KRTAP10-10: variants seen among roughly 807,000 people sequenced by gnomAD.
The protein encoded by KRTAP10-10 is keratin associated protein 10-10.
For synonymous variants in KRTAP10-10, 139 were observed against 137.6 expected (o/e 1.01, Z -0.07); for missense variants, 324 against 319.9 (o/e 1.01, Z -0.10).
Position 44,637,521 on chromosome 21 carries a change from C to A in KRTAP10-10, c.104C>A (p.Ala35Asp). ...SCCEPCCCAP[A>D]PSLTLVCTPV... ...TGCGAGCCCTGCTGCTGTGCCCCAGCCCCCAGCTTGACCCTGGTCTGCACC... is the reference window on the plus strand; with the variant it reads ...TGCGAGCCCTGCTGCTGTGCCCCAGACCCCAGCTTGACCCTGGTCTGCACC... Residue 35 changes from alanine (A) to aspartate (D), a missense_variant, in exon 1 of 1, where the codon GCC becomes GAC. Coordinates refer to ENST00000380095, the MANE Select transcript of KRTAP10-10 (RefSeq NM_181688.3). 4 of 1,613,484 alleles carry A rather than the reference C, an allele frequency of 2.5e-6. No individual in the cohort carries two copies. Among genetic ancestry groups the A allele is most frequent in the Non-Finnish European group, 3.4e-6 (4 of 1,179,900 alleles).
chr21:44,638,224 G>A lies in KRTAP10-10; in HGVS notation c.*51G>A, dbSNP rs782079977. 23 of 1,562,472 alleles carry A rather than the reference G, an allele frequency of 1.5e-5. No homozygotes were observed. Among genetic ancestry groups the A allele is most frequent in the Non-Finnish European group, 1.9e-5 (22 of 1,151,210 alleles). ...CTTCCCACCAGGGGCTGACCTCCCA[G>A]CTGCCCCAGCAAGCTCTGCCCTCTC... On this transcript the variant is annotated 3_prime_UTR_variant, in exon 1 of 1. Transcript: ENST00000380095.
chr21:44,637,625 T>C lies in KRTAP10-10; in HGVS notation c.208T>C (p.Cys70Arg). 1.9e-6 allele frequency: 3 copies of C among 1,613,980 alleles called. No individual in the cohort carries two copies. Among genetic ancestry groups the C allele is most frequent in the Non-Finnish European group, 2.5e-6 (3 of 1,179,922 alleles). ...CTGCCAATCAGGCTACACCAGCTCC[T>C]GCACAACCCCATGCTACCAGCAGTC... ...SACQSGYTSS[C>R]TTPCYQQSSC... is the part of the protein sequence containing the mutation. The change falls in exon 1 of 1, where the codon TGC becomes CGC. Residue 70 changes from cysteine to arginine, a missense_variant. Physicochemically the swap from Cys to Arg is radical, Grantham distance 180 (BLOSUM62 -3). Coordinates refer to ENST00000380095, the MANE Select transcript of KRTAP10-10 (RefSeq NM_181688.3).
At position 44,638,281 on chromosome 21, in the gene KRTAP10-10, C is replaced by A. The variant is rs918191953; in HGVS notation, c.*108C>A. On this transcript the variant is annotated 3_prime_UTR_variant, in exon 1 of 1. Coordinates refer to ENST00000380095, the MANE Select transcript of KRTAP10-10 (RefSeq NM_181688.3). ...TGACACCCTCAGAAGGTGGGGCAGG[C>A]TCTTTGTCTTGGGGACCAGGATGCT... 65 of 1,440,562 alleles carry A rather than the reference C, an allele frequency of 4.5e-5. 1 individual carries two copies. In the African/African-American group the frequency reaches 9.2e-4, roughly 20 times the overall value. The allele number at this position is 1,440,562 out of a possible 1,614,324, so 89.2% of individuals were successfully genotyped here. A position where few individuals can be genotyped will look rare whatever the true frequency, so the allele number is the denominator to read the frequency against.
Position 44,638,271 on chromosome 21 carries a change from G to T in KRTAP10-10, c.*98G>T. 6.7e-7 allele frequency: 1 copy of T among 1,484,734 alleles called. No homozygotes were observed. Among genetic ancestry groups the T allele is most frequent in the Non-Finnish European group, 9.0e-7 (1 of 1,115,366 alleles). 92.0% of individuals were successfully genotyped at this position (1,484,734 alleles called of 1,614,324 possible). On this transcript the variant is annotated 3_prime_UTR_variant, in exon 1 of 1. Coordinates refer to ENST00000380095, the MANE Select transcript of KRTAP10-10 (RefSeq NM_181688.3). The stretch of plus-strand genomic sequence containing the variant: ...TCTCTGGCTTTGACACCCTCAGAAG[G>T]TGGGGCAGGCTCTTTGTCTTGGGGA...
rs782527032 is a variant in KRTAP10-10, at chr21:44,638,036, C to A, written c.619C>A (p.Pro207Thr). The change falls in exon 1 of 1, where the codon CCC (proline) becomes ACC (threonine). Residue 207 changes from proline (P) to threonine (T), a missense_variant. Pro to Thr is a conservative substitution (Grantham distance 38). Transcript: ENST00000380095. ...VCKSTCCVPV[P>T]SCGASASSCQ... ...CAAGTCCACCTGCTGCGTGCCCGTC[C>A]CCTCCTGCGGTGCCTCTGCCTCCTC... The A allele has an allele frequency of 1.9e-6, 3 of 1,613,244 alleles. No homozygotes were observed. The highest frequency in any genetic ancestry group is 2.5e-6 in the Non-Finnish European group (3 of 1,179,454).
Position 44,637,880 on chromosome 21 carries a change from G to T in KRTAP10-10, c.463G>T (p.Val155Phe), listed in dbSNP as rs587625812. 2.6e-6 allele frequency: 4 copies of T among 1,528,328 alleles called. No individual in the cohort carries two copies. The highest frequency in any genetic ancestry group is 3.6e-6 in the Non-Finnish European group (4 of 1,124,120). The allele number at this position is 1,528,328 out of a possible 1,614,324, so 94.7% of individuals were successfully genotyped here. The change falls in exon 1 of 1, where the codon GTC becomes TTC. Residue 155 changes from valine to phenylalanine, a missense_variant. By Grantham distance (50) the Val-to-Phe change is conservative. Coordinates refer to ENST00000380095, the MANE Select transcript of KRTAP10-10 (RefSeq NM_181688.3). Reference sequence around the variant, plus strand: ...CTGTGTGCCTGTCTGCTCTAAGTCCGTCTGCTATGTGCCTGTGTGCTCTGG... The same window carrying T: ...CTGTGTGCCTGTCTGCTCTAAGTCCTTCTGCTATGTGCCTGTGTGCTCTGG... ...ACCVPVCSKS[V>F]CYVPVCSGAS...
At position 44,637,898 on chromosome 21, in the gene KRTAP10-10, T is replaced by A; in HGVS notation, c.481T>A (p.Cys161Ser). The A allele has an allele frequency of 6.5e-7, 1 of 1,532,410 alleles. No individual in the cohort carries two copies. The highest frequency in any genetic ancestry group is 8.9e-7 in the Non-Finnish European group (1 of 1,126,298). The allele number at this position is 1,532,410 out of a possible 1,614,324, so 94.9% of individuals were successfully genotyped here. A position where few individuals can be genotyped will look rare whatever the true frequency, so the allele number is the denominator to read the frequency against. The change falls in exon 1 of 1, where the codon TGC becomes AGC. Residue 161 changes from cysteine (C) to serine (S), a missense_variant. Coordinates refer to ENST00000380095, the MANE Select transcript of KRTAP10-10 (RefSeq NM_181688.3). Reference sequence around the variant, plus strand: ...TAAGTCCGTCTGCTATGTGCCTGTGTGCTCTGGGGCTTCCACTTCATGCTG... The same window carrying A: ...TAAGTCCGTCTGCTATGTGCCTGTGAGCTCTGGGGCTTCCACTTCATGCTG... ...CSKSVCYVPV[C>S]SGASTSCCQQ...
In KRTAP10-10 at chr21:44,637,410, A is replaced by C; in HGVS notation, c.-8A>C. 6.3e-7 allele frequency: 1 copy of C among 1,596,100 alleles called. No homozygotes were observed. The highest frequency in any genetic ancestry group is 8.5e-7 in the Non-Finnish European group (1 of 1,171,510). On this transcript the variant is annotated 5_prime_UTR_variant, in exon 1 of 1. Coordinates refer to ENST00000380095, the MANE Select transcript of KRTAP10-10 (RefSeq NM_181688.3). ...ACCTCCCCCAGCTCACCGCCTCCCC[A>C]CTCCAGCATGGCCGCCTCCACCATG...
At position 44,638,311 on chromosome 21, in the gene KRTAP10-10, C is replaced by T. The variant is rs148428709; in HGVS notation, c.*138C>T. On this transcript the variant is annotated 3_prime_UTR_variant, in exon 1 of 1. Coordinates refer to ENST00000380095, the MANE Select transcript of KRTAP10-10 (RefSeq NM_181688.3). ...TGTCTTGGGGACCAGGATGCTCCCC[C>T]AGTCCTTCCCAGATGATGGCTGCCT... The T allele has an allele frequency of 1.1e-5, 8 of 706,670 alleles. 1 individual carries two copies. Among genetic ancestry groups the T allele is most frequent in the African/African-American group, 9.8e-5 (5 of 51,078 alleles). 43.8% of individuals were successfully genotyped at this position (706,670 alleles called of 1,614,324 possible).
At chr21:44,637,708 T>TCTGCTGCGTGCCC in the KRTAP10-10 span, 1 of 482,898 alleles carries the variant, frequency 2.1e-6, no homozygotes, top group Non-Finnish European at 2.9e-6. Context: ...GCTGTGTGCC[T>TCTGCTGCGTGCCC]GTCTGCTGTG....
rs781887311 is a variant in KRTAP10-10 at position 44,637,375 on chromosome 21, T to A, written c.-43T>A. 1.5e-5 allele frequency: 24 copies of A among 1,577,816 alleles called. No homozygotes were observed. Among genetic ancestry groups the A allele is most frequent in the South Asian group, 8.5e-5 (7 of 82,804 alleles). On this transcript the variant is annotated 5_prime_UTR_variant, in exon 1 of 1. Transcript: ENST00000380095. ...CACACACACTCACTCACACACTCAC[T>A]CACTCACACACCTCCCCCAGCTCAC...
chr21:44,637,370 C>G lies in KRTAP10-10; in HGVS notation c.-48C>G. Reference sequence around the variant, plus strand: ...GCTCACACACACACTCACTCACACACTCACTCACTCACACACCTCCCCCAG... The same window carrying G: ...GCTCACACACACACTCACTCACACAGTCACTCACTCACACACCTCCCCCAG... On this transcript the variant is annotated 5_prime_UTR_variant, in exon 1 of 1. Transcript: ENST00000380095. 6.4e-7 allele frequency: 1 copy of G among 1,574,586 alleles called. No homozygotes were observed. The highest frequency in any genetic ancestry group is 1.7e-5 in the Admixed American group (1 of 57,812).
chr21:44,638,423 A>C lies in KRTAP10-10; in HGVS notation c.*250A>C, dbSNP rs72613648. On this transcript the variant is annotated 3_prime_UTR_variant, in exon 1 of 1. Coordinates refer to ENST00000380095, the MANE Select transcript of KRTAP10-10 (RefSeq NM_181688.3). ...TTCCACCCTGGGCAGCACCCCCTCT[A>C]GTTCTAATAAAGCCGCCTCTGTCTC... is the stretch of plus-strand genomic sequence containing the variant. 89 of 393,308 alleles carry C rather than the reference A, an allele frequency of 2.3e-4. No homozygotes were observed. The highest frequency in any genetic ancestry group is 1.9e-3 in the East Asian group (46 of 23,638). 24.4% of individuals were successfully genotyped at this position (393,308 alleles called of 1,614,324 possible).
Position 44,638,113 on chromosome 21 carries a change from C to T in KRTAP10-10, c.696C>T (p.Arg232=), listed in dbSNP as rs782149321. Residue 232 remains arginine (R), a synonymous_variant, in exon 1 of 1, where the codon CGC becomes CGT. Coordinates refer to ENST00000380095, the MANE Select transcript of KRTAP10-10 (RefSeq NM_181688.3). Reference sequence around the variant, plus strand: ...CCTCCTGTGTTTCCCTCCTCTGCCGCCCCGTGTGCTCCCGCCCTGCCTGCT... The same window carrying T: ...CCTCCTGTGTTTCCCTCCTCTGCCGTCCCGTGTGCTCCCGCCCTGCCTGCT... The part of the protein sequence containing the change: ...RTASCVSLLC[R]PVCSRPACYS... The T allele has an allele frequency of 1.9e-6, 3 of 1,613,494 alleles. No individual in the cohort carries two copies. Among genetic ancestry groups the T allele is most frequent in the Non-Finnish European group, 1.7e-6 (2 of 1,179,794 alleles).
At position 44,637,681 on chromosome 21, in the gene KRTAP10-10, C is replaced by A; in HGVS notation, c.264C>A (p.Ser88=). The change falls in exon 1 of 1, where the codon TCC becomes TCA. Residue 88 remains serine, a synonymous_variant. Transcript: ENST00000380095. ...SSCQPDCCTS[S]PCQQACCVPV... Reference sequence around the variant, plus strand: ...GCCAGCCGGATTGCTGCACCTCCTCCCCCTGCCAGCAGGCCTGCTGTGTGC... The same window carrying A: ...GCCAGCCGGATTGCTGCACCTCCTCACCCTGCCAGCAGGCCTGCTGTGTGC... The A allele has an allele frequency of 5.2e-6, 8 of 1,543,474 alleles. No individual in the cohort carries two copies. Among genetic ancestry groups the A allele is most frequent in the Non-Finnish European group, 7.0e-6 (8 of 1,137,386 alleles).
chr21:44,637,664 G>T lies in KRTAP10-10; in HGVS notation c.247G>T (p.Asp83Tyr). 1.3e-6 allele frequency: 2 copies of T among 1,580,892 alleles called. No individual in the cohort carries two copies. Among genetic ancestry groups the T allele is most frequent in the South Asian group, 1.1e-5 (1 of 87,904 alleles). The change falls in exon 1 of 1, where the codon GAT (aspartate) becomes TAT (tyrosine). Residue 83 changes from aspartate to tyrosine, a missense_variant. Physicochemically the swap from Asp to Tyr is radical, Grantham distance 160. Coordinates refer to ENST00000380095, the MANE Select transcript of KRTAP10-10 (RefSeq NM_181688.3). ...CTACCAGCAGTCTAGCTGCCAGCCGGATTGCTGCACCTCCTCCCCCTGCCA... is the reference window on the plus strand; with the variant it reads ...CTACCAGCAGTCTAGCTGCCAGCCGTATTGCTGCACCTCCTCCCCCTGCCA... ...PCYQQSSCQPDCCTSSPCQQA... is the reference protein window; with the variant it reads ...PCYQQSSCQPYCCTSSPCQQA...
rs77446663 is a variant in KRTAP10-10 at position 44,638,026 on chromosome 21, C to G, written c.609C>G (p.Cys203Trp). The stretch of plus-strand genomic sequence containing the variant: ...ACCCTGTGTGCAAGTCCACCTGCTG[C>G]GTGCCCGTCCCCTCCTGCGGTGCCT... ...LCHPVCKSTC[C>W]VPVPSCGASA... Residue 203 changes from cysteine (C) to tryptophan (W), a missense_variant, in exon 1 of 1, where the codon TGC (cysteine) becomes TGG (tryptophan). Cys to Trp is a radical substitution (Grantham distance 215). Coordinates refer to ENST00000380095, the MANE Select transcript of KRTAP10-10 (RefSeq NM_181688.3). 6.2e-6 allele frequency: 10 copies of G among 1,608,168 alleles called. No individual in the cohort carries two copies. Among genetic ancestry groups the G allele is most frequent in the Non-Finnish European group, 8.5e-6 (10 of 1,179,540 alleles).
In KRTAP10-10 at chr21:44,637,421, G is replaced by A; in HGVS notation, c.4G>A (p.Ala2Thr). The change falls in exon 1 of 1, where the codon GCC becomes ACC. Residue 2 changes from alanine (A) to threonine (T), a missense_variant. By Grantham distance (58) the Ala-to-Thr change is moderately conservative (BLOSUM62 0). Coordinates refer to ENST00000380095, the MANE Select transcript of KRTAP10-10 (RefSeq NM_181688.3). ...CTCACCGCCTCCCCACTCCAGCATG[G>A]CCGCCTCCACCATGTCCATCTGCTC... M[A>T]ASTMSICSSA... The A allele has an allele frequency of 1.2e-6, 2 of 1,601,938 alleles. No homozygotes were observed. The highest frequency in any genetic ancestry group is 1.8e-4 in the Middle Eastern group (1 of 5,546).
Position 44,637,755 on chromosome 21 carries a change from T to C in KRTAP10-10, c.338T>C (p.Val113Ala), listed in dbSNP as rs1555937295. The part of the protein sequence containing the change: ...VCCVPVCNKP[V>A]CFVPTCSESS... ...TGCGTGCCCGTCTGTAACAAGCCTG[T>C]GTGCTTCGTGCCTACCTGCTCCGAG... Residue 113 changes from valine to alanine, a missense_variant, in exon 1 of 1, where the codon GTG becomes GCG. Coordinates refer to ENST00000380095, the MANE Select transcript of KRTAP10-10 (RefSeq NM_181688.3). 6.0e-6 allele frequency: 8 copies of C among 1,331,256 alleles called. No individual in the cohort carries two copies. The Admixed American group carries it at 1.6e-4, about 26-fold the overall frequency. 82.5% of individuals were successfully genotyped at this position (1,331,256 alleles called of 1,614,324 possible).
Sources: gnomAD v4.1 joint callset for allele counts on GRCh38, gnomAD v4.1.1 for gene constraint, MANE v1.5 for transcripts, NCBI Gene and HGNC (gene_info 2026-07-23, HGNC 2026-07-21) for gene names.